The following PICALM variants were observed in gnomAD, a reference collection of about 807,000 sequenced individuals.
The protein encoded by PICALM is phosphatidylinositol-binding clathrin assembly protein.
PICALM carries 40 observed loss-of-function variants against 80.5 expected under a neutral mutation model. The ratio of observed to expected loss-of-function variants is 0.50; its 90% CI spans 0.39 to 0.65. PICALM has a LOEUF of 0.65. Among genes scored for constraint, PICALM ranks in the 30% least tolerant of loss-of-function variants. The pLI is 0.00. For synonymous variants in PICALM, 288 were observed against 260.3 expected (o/e 1.11, Z -1.02); for missense variants, 676 against 778.9 (o/e 0.87, Z 1.57).
chr11:86,040,494 G>A (rs1411301075), intron 1 of PICALM, among the ~76,000 whole-genome samples: 4 of 152,030 alleles, frequency 2.6e-5, no homozygotes, highest in Non-Finnish European at 4.4e-5. Flanking sequence ...GTGAGCCACC[G>A]CACTCAGCCA....
intron 13 of PICALM, 66 bp downstream of exon 13, chr11:85,990,184 G>T: frequency 1.2e-6 from 1 of 817,964 alleles, no homozygotes; most frequent in Non-Finnish European, 1.8e-6. Flanking sequence ...AATAATTAAT[G>T]GACACGTAAA....
intron 1 of PICALM, among the ~76,000 whole-genome samples, chr11:86,052,313 G>A (rs113635495): frequency 0.16 from 24,739 of 152,206 alleles, 2,572 homozygotes; most frequent in Middle Eastern, 0.24. Flanking sequence ...ATGCAGAACT[G>A]TGAGTCAATT....
chr11:86,009,793 T>C (rs890867783), intron 7 of PICALM, among the ~76,000 whole-genome samples: 1 of 152,180 alleles, frequency 6.6e-6, no homozygotes, highest in Non-Finnish European at 1.5e-5. Flanking sequence ...AAAACTTACT[T>C]GAAGAATTTA....
chr11:86,045,104 ACTCT>A (rs1219956828), intron 1 of PICALM, among the ~76,000 whole-genome samples: 7 of 152,338 alleles, frequency 4.6e-5, no homozygotes, highest in East Asian at 3.9e-4. Context: ...TTGAAATAAT[ACTCT>A]CTAAGTGGAA....
At chr11:86,065,104 A>G (rs1015050829) in intron 1 of PICALM, among the ~76,000 whole-genome samples, 7 of 152,076 alleles carry the variant, frequency 4.6e-5, no homozygotes, top group Admixed American at 4.6e-4. Context: ...TTAAGACTAA[A>G]GATTGTAAGA....
intron 1 of PICALM, among the ~76,000 whole-genome samples, chr11:86,062,778 G>A (rs114872371): frequency 1.6e-3 from 242 of 152,226 alleles, no homozygotes; most frequent in African/African-American, 5.5e-3. Context: ...CACATACACA[G>A]TGAACATACA....
intron 4 of PICALM, among the ~76,000 whole-genome samples, chr11:86,016,027 T>C (rs1043242214): frequency 6.6e-6 from 1 of 152,234 alleles, no homozygotes; most frequent in Non-Finnish European, 1.5e-5. Context: ...TGTTAACTTA[T>C]GGATGCCTGT....
At chr11:85,994,396 C>G (rs1341642630) in intron 12 of PICALM, among the ~76,000 whole-genome samples, 4 of 152,208 alleles carry the variant, frequency 2.6e-5, no homozygotes, top group Non-Finnish European at 5.9e-5. Context: ...AAATGTCTTT[C>G]ATATATACAT....
chr11:86,030,116 TA>T (rs565583366), intron 2 of PICALM, among the ~76,000 whole-genome samples: 174 of 152,054 alleles, frequency 1.1e-3, no homozygotes, highest in Non-Finnish European at 1.5e-3. Flanking sequence ...CTAAAGATGA[TA>T]AAAAAATACA....
chr11:86,050,882 C>T (rs571188848), intron 1 of PICALM, among the ~76,000 whole-genome samples: 15 of 152,028 alleles, frequency 9.9e-5, no homozygotes, highest in Non-Finnish European at 1.9e-4. Context: ...GTGATGTGGT[C>T]TCGCTATGTT....
chr11:86,054,035 A>G (rs923056818), intron 1 of PICALM, among the ~76,000 whole-genome samples: 9 of 152,220 alleles, frequency 5.9e-5, no homozygotes, highest in African/African-American at 2.2e-4. Flanking sequence ...CTATCACCCA[A>G]TAAGATAGTT....
Position 86,026,362 on chromosome 11 carries a change from A to G in PICALM, c.279T>C (p.Phe93=), listed in dbSNP as rs1254353507. Residue 93 remains phenylalanine (F), a synonymous_variant, in exon 3 of 20, where the codon TTT becomes TTC. Coordinates refer to ENST00000393346, the MANE Select transcript of PICALM (RefSeq NM_007166.4). Reference sequence around the variant, plus strand: ...TGTTTCTTGAAGCCAAATACTGAATAAAACGCTGGAAAAAAAAAATTACAT... The same window carrying G: ...TGTTTCTTGAAGCCAAATACTGAATGAAACGCTGGAAAAAAAAAATTACAT... ...HHLMVYGNER[F]IQYLASRNTL... 6.3e-7 allele frequency: 1 copy of G among 1,594,524 alleles called. No homozygotes were observed. The highest frequency in any genetic ancestry group is 1.7e-5 in the Admixed American group (1 of 59,058).
chr11:85,993,221 G>C (rs976183187), intron 12 of PICALM, among the ~76,000 whole-genome samples: 1 of 151,802 alleles, frequency 6.6e-6, no homozygotes, highest in African/African-American at 2.4e-5. Context: ...TGAGTAGCTG[G>C]GACCACAGGT....
chr11:86,040,399 C>G (rs966478290), intron 1 of PICALM, among the ~76,000 whole-genome samples: 2 of 151,986 alleles, frequency 1.3e-5, no homozygotes, highest in African/African-American at 4.8e-5. Flanking sequence ...GAGGTCTCCC[C>G]CTCTGTTGCC....
intron 11 of PICALM, among the ~76,000 whole-genome samples, chr11:85,997,359 A>T (rs1309950868): frequency 6.6e-6 from 1 of 152,166 alleles, no homozygotes; most frequent in Non-Finnish European, 1.5e-5. Context: ...CATTAACCTC[A>T]CTTCTAGTGC....
At chr11:86,036,509 G>T (rs1232454479) in intron 1 of PICALM, among the ~76,000 whole-genome samples, 3 of 152,076 alleles carry the variant, frequency 2.0e-5, no homozygotes, top group African/African-American at 7.2e-5. Context: ...TTAATAACTG[G>T]GGAAATACTC....
At chr11:85,982,490 C>G (rs1043647774) in intron 14 of PICALM, among the ~76,000 whole-genome samples, 15 of 129,480 alleles carry the variant, frequency 1.2e-4, no homozygotes, top group African/African-American at 4.5e-4. Flanking sequence ...TGCAGTGGCG[C>G]AATCTCGGCT....
In PICALM at chr11:85,958,640, T is replaced by C. The variant is rs1232028609; in HGVS notation, c.*406A>G. ...AATGCATAATTAGGAATTTTAATTT[T>C]GATCCCCCAAAAGAGTCCTGTTGAA... On this transcript the variant is annotated 3_prime_UTR_variant, in exon 20 of 20. Transcript: ENST00000393346. The C allele has an allele frequency of 4.2e-6, 1 of 238,506 alleles. No homozygotes were observed. Among genetic ancestry groups the C allele is most frequent in the Non-Finnish European group, 8.2e-6 (1 of 122,420 alleles). The allele number at this position is 238,506 out of a possible 1,614,324, so 14.8% of individuals were successfully genotyped here.
intron 19 of PICALM, among the ~76,000 whole-genome samples, chr11:85,970,131 T>A (rs2094050810): frequency 1.3e-5 from 2 of 152,176 alleles, no homozygotes; most frequent in East Asian, 3.8e-4. Context: ...GAAGTAAACA[T>A]GCCAGAGAAG....
Sources: gnomAD v4.1 joint callset for allele counts (sites outside exome capture counted in the v4.1 genomes callset) on GRCh38, gnomAD v4.1.1 for gene constraint, MANE v1.5 for transcripts, NCBI Gene and HGNC (gene_info 2026-07-23, HGNC 2026-07-21) for gene names.